CORO2B: variants seen among roughly 807,000 people sequenced by gnomAD.
CORO2B encodes the protein coronin-2B.
Under a neutral mutation model 58.8 loss-of-function variants are expected in CORO2B, and 26 were observed. That is an observed-to-expected ratio of 0.44 (90% CI 0.32 to 0.61). CORO2B has a LOEUF of 0.61. Ranked by LOEUF, CORO2B falls within the 20% of genes least tolerant of loss-of-function variation. CORO2B has a pLI of 0.04. For synonymous variants in CORO2B, 242 were observed against 253.8 expected (o/e 0.95, Z 0.44); for missense variants, 460 against 645.1 (o/e 0.71, Z 3.11).
intron 2 of CORO2B, among the ~76,000 whole-genome samples, chr15:68,687,500 C>T (rs543890302): frequency 1.4e-3 from 208 of 152,230 alleles, no homozygotes; most frequent in Non-Finnish European, 1.5e-3. Flanking sequence ...GGGTGAGCCA[C>T]ACCCGTGGAC....
At chr15:68,548,596 A>G in the CORO2B span, among the ~76,000 whole-genome samples, 4 of 152,220 alleles carry the variant, frequency 2.6e-5, no homozygotes, top group African/African-American at 9.6e-5. Flanking sequence ...ATATATCTCA[A>G]AACAAAACTG....
At chr15:68,532,384 C>G in the CORO2B span, among the ~76,000 whole-genome samples, 2 of 152,196 alleles carry the variant, frequency 1.3e-5, no homozygotes, top group Admixed American at 1.3e-4. Context: ...GTTTCTGTTG[C>G]CGTGTCTCCA....
At chr15:68,722,894 CCT>C (rs1367645074) in intron 11 of CORO2B, among the ~76,000 whole-genome samples, 12 of 151,718 alleles carry the variant, frequency 7.9e-5, no homozygotes, top group Non-Finnish European at 1.5e-4. Flanking sequence ...ATGGTGAAAC[CCT>C]GTCTCTACTA....
At chr15:68,678,058 TC>T (rs1235911562) in intron 2 of CORO2B, among the ~76,000 whole-genome samples, 2 of 149,108 alleles carry the variant, frequency 1.3e-5, no homozygotes, top group African/African-American at 5.2e-5. Context: ...AGCTCTCCTT[TC>T]CCCTGCAAGG....
At chr15:68,702,134 C>T (rs532334441) in intron 3 of CORO2B, among the ~76,000 whole-genome samples, 23 of 152,014 alleles carry the variant, frequency 1.5e-4, no homozygotes, top group Non-Finnish European at 3.1e-4. Context: ...AAATCAGGTA[C>T]GGGCACGGGC....
intron 2 of CORO2B, among the ~76,000 whole-genome samples, chr15:68,651,477 T>G (rs1901641557): frequency 6.6e-6 from 1 of 152,336 alleles, no homozygotes; most frequent in Admixed American, 6.5e-5. Flanking sequence ...TGATAGAAAT[T>G]TCCCTGAAAA....
chr15:68,686,241 G>A (rs1186348518), intron 2 of CORO2B, among the ~76,000 whole-genome samples: 1 of 151,722 alleles, frequency 6.6e-6, no homozygotes, highest in African/African-American at 2.4e-5. Flanking sequence ...CTGTCACGTT[G>A]GCCAGGCTGG....
intron 3 of CORO2B, among the ~76,000 whole-genome samples, chr15:68,699,142 T>C (rs1056649167): frequency 7.2e-5 from 11 of 152,202 alleles, no homozygotes; most frequent in African/African-American, 2.6e-4. Flanking sequence ...GAGAGTCATC[T>C]GGTGTGACTG....
At chr15:68,660,092 T>C (rs1394331215) in intron 2 of CORO2B, among the ~76,000 whole-genome samples, 1 of 152,192 alleles carries the variant, frequency 6.6e-6, no homozygotes, top group Non-Finnish European at 1.5e-5. Context: ...AATTTCTGTC[T>C]GGCTTTTTCA....
At chr15:68,564,455 C>T in the CORO2B span, among the ~76,000 whole-genome samples, 5 of 152,096 alleles carry the variant, frequency 3.3e-5, no homozygotes, top group Non-Finnish European at 7.4e-5. Context: ...AGGAGCGTGC[C>T]ACTACAACCG....
At chr15:68,628,665 G>C (rs1336296126) in intron 1 of CORO2B, among the ~76,000 whole-genome samples, 3 of 152,140 alleles carry the variant, frequency 2.0e-5, no homozygotes, top group Non-Finnish European at 4.4e-5. Context: ...CCATGAGGAG[G>C]CACCATTATT....
At chr15:68,565,133 C>T in the CORO2B span, among the ~76,000 whole-genome samples, 58 of 152,226 alleles carry the variant, frequency 3.8e-4, no homozygotes, top group Non-Finnish European at 7.8e-4. Context: ...TATTGCTTTA[C>T]TGTCTACTGA....
chr15:68,719,647 T>G, intron 11 of CORO2B, 95 bp downstream of exon 11: 3 of 1,385,554 alleles, frequency 2.2e-6, no homozygotes, highest in Non-Finnish European at 2.9e-6. Context: ...AGTTCCATTC[T>G]GAGACATTTT....
Position 68,635,434 on chromosome 15 carries a change from G to A in CORO2B, c.16-9726G>A, listed in dbSNP as rs138887067. Among the ~76,000 whole-genome samples, 451 of 152,206 alleles carry A rather than the reference G, an allele frequency of 3.0e-3. 3 individuals are homozygous for A. Among genetic ancestry groups the A allele is most frequent in the African/African-American group, 0.01 (427 of 41,518 alleles). ...TGGAGCATGGATGCTTCCCTGAGTG[G>A]GTGCTATTCTGCCACCGCCTGCCCA... On this transcript the variant is annotated intron_variant, in intron 1 of 11. Coordinates refer to ENST00000261861, the MANE Select transcript of CORO2B (RefSeq NM_006091.5).
the CORO2B span, chr15:68,559,684 T>C: frequency 7.3e-6 from 7 of 964,332 alleles, no homozygotes; most frequent in Non-Finnish European, 8.6e-6. This position sits in a 1 kb window ranked among gnomAD's most constrained non-coding sequence, Gnocchi z 4.3. Context: ...GGTTTTCCGG[T>C]TGGTGCAGTG....
At chr15:68,538,946 T>G in the CORO2B span, among the ~76,000 whole-genome samples, 3 of 152,198 alleles carry the variant, frequency 2.0e-5, no homozygotes, top group Non-Finnish European at 4.4e-5. Context: ...TGTTGATGGT[T>G]TGAAAAACCG....
intron 1 of CORO2B, among the ~76,000 whole-genome samples, chr15:68,635,089 C>T (rs540370563): frequency 1.3e-5 from 2 of 152,178 alleles, no homozygotes; most frequent in Admixed American, 6.5e-5. Flanking sequence ...ACCTGGGGCT[C>T]GCACTCCAAG....
chr15:68,623,028 G>A (rs1900571081), intron 1 of CORO2B, among the ~76,000 whole-genome samples: 1 of 152,128 alleles, frequency 6.6e-6, no homozygotes, highest in South Asian at 2.1e-4. Context: ...AGCTGGGTGT[G>A]GTGGTGGGCA....
intron 1 of CORO2B, chr15:68,632,364 A>C (rs1355638300): frequency 1.0e-6 from 1 of 985,340 alleles, no homozygotes; most frequent in Non-Finnish European, 1.2e-6. Context: ...GATAAAACGC[A>C]TTCAGCTCGG....
Sources: allele counts gnomAD v4.1 joint callset (sites outside exome capture counted in the v4.1 genomes callset), GRCh38; gene constraint gnomAD v4.1.1; non-coding constraint Gnocchi (gnomAD v3.1); transcripts MANE v1.5; gene names NCBI Gene and HGNC (gene_info 2026-07-23, HGNC 2026-07-21).